The following NUP54 variants were observed in gnomAD, a reference collection of about 807,000 sequenced individuals.
NUP54 encodes the protein nucleoporin 54.
NUP54 carries 27 observed loss-of-function variants against 66.4 expected under a neutral mutation model. That is an observed-to-expected ratio of 0.41 (90% CI 0.30 to 0.56). The LOEUF (loss-of-function observed/expected upper bound fraction) is 0.56, where lower values mean the gene tolerates loss of function less well. NUP54 is among the 20% of genes least tolerant of loss of function. NUP54 has a pLI of 0.34. For missense variants in NUP54, 486 were observed against 596.3 expected (o/e 0.82, Z 1.93); for synonymous variants, 206 against 210.7 (o/e 0.98, Z 0.19).
intron 8 of NUP54, among the ~76,000 whole-genome samples, chr4:76,126,582 CTA>C (rs1730548093): frequency 6.6e-6 from 1 of 151,938 alleles, no homozygotes; most frequent in Admixed American, 6.6e-5. Flanking sequence ...CCAGTAATAA[CTA>C]AAAAAATTAG....
intron 5 of NUP54, 77 bp from the exon 6 acceptor site, chr4:76,132,796 T>G: frequency 9.3e-7 from 1 of 1,077,186 alleles, no homozygotes; most frequent in Non-Finnish European, 1.3e-6. Context: ...TCATAGCATG[T>G]GATTTCAGAA....
chr4:76,131,206 G>T, intron 7 of NUP54, 24 bp downstream of exon 7: 2 of 1,491,012 alleles, frequency 1.3e-6, no homozygotes, highest in Non-Finnish European at 1.9e-6. Context: ...GTTCTTAAAT[G>T]AAACAAGATG....
intron 5 of NUP54, among the ~76,000 whole-genome samples, chr4:76,133,680 C>T (rs1730913046): frequency 6.6e-6 from 1 of 152,174 alleles, no homozygotes; most frequent in South Asian, 2.1e-4. Context: ...ATAGGAAATT[C>T]TGTTGAAATT....
At chr4:76,122,235 T>C (rs1316222403) in intron 9 of NUP54, among the ~76,000 whole-genome samples, 3 of 152,266 alleles carry the variant, frequency 2.0e-5, no homozygotes, top group African/African-American at 7.2e-5. Flanking sequence ...AGCTGGATTC[T>C]CTTTGCTTAT....
At chr4:76,136,972 A>G (rs917010097) in intron 3 of NUP54, among the ~76,000 whole-genome samples, 15 of 152,168 alleles carry the variant, frequency 9.9e-5, no homozygotes, top group Non-Finnish European at 1.0e-4. Context: ...GCCAAACCTT[A>G]TAACGTTAAA....
chr4:76,126,574 A>G (rs1359543365), intron 8 of NUP54, among the ~76,000 whole-genome samples: 3 of 152,238 alleles, frequency 2.0e-5, no homozygotes, highest in South Asian at 4.1e-4. Flanking sequence ...ATTTTCTACC[A>G]GTAATAACTA....
In NUP54 at chr4:76,136,325, G is replaced by A. The variant is rs1218590961; in HGVS notation, c.383C>T (p.Thr128Met). 3.1e-6 allele frequency: 5 copies of A among 1,613,924 alleles called. No homozygotes were observed. The highest frequency in any genetic ancestry group is 1.3e-5 in the African/African-American group (1 of 74,902). ...INTASALSAP[T>M]LLGDERDAIL... The stretch of plus-strand genomic sequence containing the variant: ...AGCATCTCTCTCATCTCCCAACAGC[G>A]TTGGAGCAGAAAGAGCACTCGCAGT... The change falls in exon 4 of 12, where the codon ACG (threonine) becomes ATG (methionine). Residue 128 changes from threonine to methionine, a missense_variant. This residue lies in a region of NUP54 where 41 missense variants were observed against 82.7 expected (regional missense o/e 0.50). Transcript: ENST00000264883.
Position 76,117,445 on chromosome 4 carries a change from C to G in NUP54, c.1395+219G>C, listed in dbSNP as rs146486478. Reference sequence around the variant, plus strand: ...ACTTGGGTATATATCCAGAAGTAGACCTGCTAGATCATATCGTAATTCTAT... The same window carrying G: ...ACTTGGGTATATATCCAGAAGTAGAGCTGCTAGATCATATCGTAATTCTAT... On this transcript the variant is annotated intron_variant, in intron 11 of 11. Coordinates refer to ENST00000264883, the MANE Select transcript of NUP54 (RefSeq NM_017426.4). 8.9e-3 allele frequency among the ~76,000 whole-genome samples: 1,349 copies of G among 152,216 alleles called. 13 individuals carry two copies. Among genetic ancestry groups the G allele is most frequent in the Middle Eastern group, 0.027 (8 of 294 alleles).
chr4:76,146,250 A>C, intron 1 of NUP54: 1 of 202,268 alleles, frequency 4.9e-6, no homozygotes, highest in Non-Finnish European at 1.0e-5. Context: ...AACAGTGATA[A>C]CTCCAAATGA....
intron 1 of NUP54, among the ~76,000 whole-genome samples, chr4:76,144,810 T>C (rs543417341): frequency 1.6e-4 from 25 of 152,302 alleles, no homozygotes; most frequent in African/African-American, 5.5e-4. Flanking sequence ...AGAGGAGGTG[T>C]TGCAAATTCA....
At position 76,118,128 on chromosome 4, in the gene NUP54, G is replaced by GC; in HGVS notation, c.1230dup (p.Arg411AlafsTer10). ...CCCTGAATCGTATCCAGCTGAACTC[G>GC]CAACTGCTCTTCATCAGCCTGAATG... On this transcript the variant is annotated frameshift_variant, in exon 10 of 12. Coordinates refer to ENST00000264883, the MANE Select transcript of NUP54 (RefSeq NM_017426.4). LOFTEE classifies it high-confidence loss of function. 1 of 1,613,528 alleles carries GC rather than the reference G, an allele frequency of 6.2e-7. No individual in the cohort carries two copies. Among genetic ancestry groups the GC allele is most frequent in the Non-Finnish European group, 8.5e-7 (1 of 1,179,516 alleles).
chr4:76,144,978 T>G lies in NUP54; in HGVS notation c.68-505A>C, dbSNP rs182317302. On this transcript the variant is annotated intron_variant, in intron 1 of 11. Coordinates refer to ENST00000264883, the MANE Select transcript of NUP54 (RefSeq NM_017426.4). ...AGTTTAGCAGTGTCACATATTCCCA[T>G]TTTTTACCCCAAGAGAAACAGGAAA... Among the ~76,000 whole-genome samples the G allele has an allele frequency of 9.8e-5, 15 of 152,298 alleles. 1 individual carries two copies. The East Asian group carries it at 2.9e-3, about 29-fold the overall frequency.
chr4:76,117,446 C>T lies in NUP54; in HGVS notation c.1395+218G>A, dbSNP rs141058918. Among the ~76,000 whole-genome samples, 1,348 of 152,178 alleles carry T rather than the reference C, an allele frequency of 8.9e-3. 13 individuals are homozygous for T. The highest frequency in any genetic ancestry group is 0.027 in the Middle Eastern group (8 of 294). On this transcript the variant is annotated intron_variant, in intron 11 of 11. Coordinates refer to ENST00000264883, the MANE Select transcript of NUP54 (RefSeq NM_017426.4). ...CTTGGGTATATATCCAGAAGTAGAC[C>T]TGCTAGATCATATCGTAATTCTATC...
chr4:76,144,708 A>AC (rs1731412710), intron 1 of NUP54, among the ~76,000 whole-genome samples: 1 of 152,208 alleles, frequency 6.6e-6, no homozygotes, highest in East Asian at 1.9e-4. Flanking sequence ...TGTAATATAT[A>AC]CCCTTCAATT....
chr4:76,148,242 C>T (rs1444465721), intron 1 of NUP54, 66 bp downstream of exon 1: 1 of 1,130,372 alleles, frequency 8.8e-7, no homozygotes, highest in Non-Finnish European at 1.2e-6. Flanking sequence ...CGGAGAGTCT[C>T]GGACAGAGGG....
intron 9 of NUP54, among the ~76,000 whole-genome samples, chr4:76,123,526 T>C (rs1280920280): frequency 6.6e-6 from 1 of 152,194 alleles, no homozygotes; most frequent in Non-Finnish European, 1.5e-5. Context: ...TTTCTCCTTT[T>C]TTCTGAGATG....
chr4:76,127,228 C>T (rs1240733206), intron 8 of NUP54, among the ~76,000 whole-genome samples: 7 of 151,914 alleles, frequency 4.6e-5, no homozygotes, highest in African/African-American at 1.5e-4. Context: ...GTCAGGAGAT[C>T]GAGACCATCC....
chr4:76,148,384 GCAGGAGACCAAGTAGGTTACTC>G, exon 1 of NUP54: 1 of 1,526,502 alleles, frequency 6.6e-7, no homozygotes, highest in Non-Finnish European at 8.8e-7. Flanking sequence ...TGTCGCGAAA[GCAGGAGACCAAGTAGGTTACTC>G]CTGCGACGCG....
At chr4:76,137,367 T>G (rs1305882552) in intron 3 of NUP54, among the ~76,000 whole-genome samples, 1 of 151,770 alleles carries the variant, frequency 6.6e-6, no homozygotes, top group Non-Finnish European at 1.5e-5. Context: ...AACCTACACA[T>G]GAAAGAATGG....
Sources: gnomAD v4.1 joint callset for allele counts (sites outside exome capture counted in the v4.1 genomes callset) on GRCh38, gnomAD v4.1.1 for gene constraint, gnomAD v4.1.1 regional missense constraint, MANE v1.5 for transcripts, NCBI Gene and HGNC (gene_info 2026-07-23, HGNC 2026-07-21) for gene names.